Variants in DIP2C observed in about 807,000 individuals in gnomAD.
DIP2C encodes DIP2 acetate--CoA ligase C (putative), also known as disco-interacting protein 2 homolog C.
DIP2C carries 33 observed loss-of-function variants against 192.4 expected under a neutral mutation model. That is an observed-to-expected ratio of 0.17 (90% confidence interval 0.13 to 0.23). The LOEUF (loss-of-function observed/expected upper bound fraction) is 0.23, where lower values mean the gene tolerates loss of function less well. Ranked by LOEUF, DIP2C falls within the 10% of genes least tolerant of loss-of-function variation. DIP2C has a pLI of 1.00. For synonymous variants in DIP2C, 979 were observed against 864.1 expected (o/e 1.13, Z -2.33); for missense variants, 1,537 against 2,110.1 (o/e 0.73, Z 5.32).
At chr10:330,056 A>G (rs1357032059) in intron 29 of DIP2C, among the ~76,000 whole-genome samples, 2 of 152,236 alleles carry the variant, frequency 1.3e-5, no homozygotes, top group Non-Finnish European at 2.9e-5. Context: ...TCATTTGTTT[A>G]AATATTGTCT....
chr10:600,253 G>A (rs764865832), intron 1 of DIP2C, among the ~76,000 whole-genome samples: 12 of 152,172 alleles, frequency 7.9e-5, no homozygotes, highest in Non-Finnish European at 2.9e-5. Context: ...AGGTTCCTCT[G>A]GAGTCACTGC....
intron 1 of DIP2C, among the ~76,000 whole-genome samples, chr10:647,708 C>CATTGGATGGTGGGAGAGA (rs1456974096): frequency 1.3e-4 from 20 of 150,712 alleles, no homozygotes; most frequent in Admixed American, 7.3e-4. Context: ...CCCACGTCCA[C>CATTGGATGGTGGGAGAGA]ACTGGATGGT....
chr10:687,816 G>A (rs1831389288), intron 1 of DIP2C, among the ~76,000 whole-genome samples: 2 of 152,222 alleles, frequency 1.3e-5, no homozygotes, highest in Admixed American at 1.3e-4. Context: ...GGGAACAAAT[G>A]TGGGTCCAAC....
chr10:604,589 A>C (rs895984431), intron 1 of DIP2C, among the ~76,000 whole-genome samples: 1 of 152,270 alleles, frequency 6.6e-6, no homozygotes, highest in South Asian at 2.1e-4. Context: ...TTTAAGATCA[A>C]ATATAAGGAG....
intron 3 of DIP2C, among the ~76,000 whole-genome samples, chr10:457,513 A>G (rs1044321971): frequency 1.3e-5 from 2 of 152,202 alleles, no homozygotes; most frequent in African/African-American, 4.8e-5. Flanking sequence ...TATGTCCAAA[A>G]TTCCCTCTTT....
intron 1 of DIP2C, among the ~76,000 whole-genome samples, chr10:533,476 T>A (rs1010579984): frequency 6.6e-6 from 1 of 151,998 alleles, no homozygotes; most frequent in Non-Finnish European, 1.5e-5. Flanking sequence ...TTCCAAATAG[T>A]TTATTCTTCT....
At chr10:340,499 A>C (rs945801101) in intron 29 of DIP2C, among the ~76,000 whole-genome samples, 2 of 152,166 alleles carry the variant, frequency 1.3e-5, no homozygotes, top group African/African-American at 4.8e-5. Context: ...TGAACTCTGA[A>C]AACTATATGC....
chr10:538,447 C>A (rs758180272), intron 1 of DIP2C, among the ~76,000 whole-genome samples: 1 of 152,164 alleles, frequency 6.6e-6, no homozygotes, highest in South Asian at 2.1e-4. Flanking sequence ...GAGGCATGAG[C>A]CATTGTGCCC....
chr10:467,810 G>A (rs541757368), intron 3 of DIP2C, among the ~76,000 whole-genome samples: 2 of 152,146 alleles, frequency 1.3e-5, no homozygotes, highest in Admixed American at 6.5e-5. Flanking sequence ...TTGGGTGCTG[G>A]AGGACTACAG....
chr10:615,217 A>G (rs1241105931), intron 1 of DIP2C, among the ~76,000 whole-genome samples: 1 of 152,232 alleles, frequency 6.6e-6, no homozygotes. Context: ...TGCTTCTCCC[A>G]ACGATCGGGG....
At chr10:422,111 C>T (rs1372821228) in intron 5 of DIP2C, among the ~76,000 whole-genome samples, 5 of 152,130 alleles carry the variant, frequency 3.3e-5, no homozygotes, top group Non-Finnish European at 7.3e-5. Context: ...GCTCGAGCTC[C>T]GTTATCGGCG....
At chr10:331,830 T>A (rs1178441031) in intron 29 of DIP2C, among the ~76,000 whole-genome samples, 2 of 152,202 alleles carry the variant, frequency 1.3e-5, no homozygotes, top group Non-Finnish European at 2.9e-5. Flanking sequence ...GGCCTCGAAT[T>A]TTTACTCTGC....
chr10:442,263 G>A (rs1032411952), intron 3 of DIP2C, among the ~76,000 whole-genome samples: 8 of 152,006 alleles, frequency 5.3e-5, no homozygotes, highest in East Asian at 3.9e-4. Context: ...CTTAAACCCC[G>A]CGAGCTGCCA....
intron 17 of DIP2C, among the ~76,000 whole-genome samples, chr10:378,762 G>A (rs952125950): frequency 2.0e-5 from 3 of 151,864 alleles, no homozygotes; most frequent in African/African-American, 7.3e-5. Flanking sequence ...CACATGCCTA[G>A]ACACGTGAAC....
intron 1 of DIP2C, among the ~76,000 whole-genome samples, chr10:649,354 G>C (rs1052213088): frequency 6.6e-6 from 1 of 152,170 alleles, no homozygotes; most frequent in South Asian, 2.1e-4. Flanking sequence ...CAGGGAAACT[G>C]AGTCCACGTC....
intron 1 of DIP2C, among the ~76,000 whole-genome samples, chr10:675,778 A>G (rs1470302275): frequency 6.6e-6 from 1 of 152,220 alleles, no homozygotes; most frequent in Non-Finnish European, 1.5e-5. Context: ...CTAAGTAATA[A>G]TAAAAAGTCT....
In DIP2C at chr10:290,457, C is replaced by T. The variant is rs571057327; in HGVS notation, c.3987-2036G>A. Among the ~76,000 whole-genome samples the T allele has an allele frequency of 6.6e-5, 10 of 152,236 alleles. No homozygotes were observed. In the South Asian group the frequency reaches 1.4e-3, roughly 22 times the overall value. ...TGTGCTCTCCTCTGGACACTGACCACGGAGAAGCTCACAGCCAGAGGTGGC... is the reference window on the plus strand; with the variant it reads ...TGTGCTCTCCTCTGGACACTGACCATGGAGAAGCTCACAGCCAGAGGTGGC... On this transcript the variant is annotated intron_variant, in intron 32 of 36. Transcript: ENST00000280886.
intron 1 of DIP2C, among the ~76,000 whole-genome samples, chr10:608,019 CAT>C (rs756177657): frequency 4.5e-4 from 69 of 151,708 alleles, no homozygotes; most frequent in Non-Finnish European, 8.2e-4. Context: ...GCGGTCAAGT[CAT>C]ATGACTTCTC....
At chr10:618,223 G>T (rs1194763785) in intron 1 of DIP2C, among the ~76,000 whole-genome samples, 29 of 152,180 alleles carry the variant, frequency 1.9e-4, no homozygotes. Flanking sequence ...CTTATGTATG[G>T]TCAAATGGTT....
Sources: gnomAD v4.1 joint callset for allele counts (sites outside exome capture counted in the v4.1 genomes callset) on GRCh38, gnomAD v4.1.1 for gene constraint, MANE v1.5 for transcripts, NCBI Gene and HGNC (gene_info 2026-07-23, HGNC 2026-07-21) for gene names.